Variants in NFIB observed in about 807,000 individuals in gnomAD.
The protein encoded by NFIB is nuclear factor 1 B-type.
In NFIB, 11 loss-of-function variants were observed where a neutral mutation model predicts 61.5. That is an observed-to-expected ratio of 0.18 (90% CI 0.11 to 0.30). The LOEUF (loss-of-function observed/expected upper bound fraction) is 0.30. Among genes scored for constraint, NFIB ranks in the 10% least tolerant of loss-of-function variants. NFIB has a pLI of 1.00. For synonymous variants in NFIB, 260 were observed against 216.5 expected, an observed-to-expected ratio of 1.20 and a Z score of -1.76; for missense variants, 471 against 608.9, an observed-to-expected ratio of 0.77 and a Z score of 2.38.
At chr9:14,354,653 G>T (rs1452147529) in intron 1 of NFIB, among the ~76,000 whole-genome samples, 1 of 152,192 alleles carries the variant, frequency 6.6e-6, no homozygotes, top group African/African-American at 2.4e-5. Flanking sequence ...TAATTATGTA[G>T]TCGCTGAGGG....
At chr9:14,349,094 A>G (rs563717667) in intron 1 of NFIB, among the ~76,000 whole-genome samples, 2 of 152,220 alleles carry the variant, frequency 1.3e-5, no homozygotes, top group South Asian at 4.2e-4. Context: ...GAGGGAAATC[A>G]CTCTCTGCTC....
chr9:14,307,810 C>A lies in NFIB; in HGVS notation c.31-290G>T. 1 of 253,904 alleles carries A rather than the reference C, an allele frequency of 3.9e-6. No homozygotes were observed. The allele number at this position is 253,904 out of a possible 1,614,324, so 15.7% of individuals were successfully genotyped here. ...TCTGGCCCCATCCCCCTTGTTTCCACCCCAATGCCATGCATTCTACATTCT... is the reference window on the plus strand; with the variant it reads ...TCTGGCCCCATCCCCCTTGTTTCCAACCCAATGCCATGCATTCTACATTCT... On this transcript the variant is annotated intron_variant, in intron 1 of 10. Transcript: ENST00000380953. This position sits in a 1 kb window ranked among gnomAD's most constrained non-coding sequence, Gnocchi z 5.3.
intron 2 of NFIB, among the ~76,000 whole-genome samples, chr9:14,228,074 T>C (rs572552504): frequency 1.3e-5 from 2 of 152,296 alleles, no homozygotes; most frequent in African/African-American, 2.4e-5. Context: ...TGAAGACATA[T>C]AGTAACCAGT....
intron 1 of NFIB, among the ~76,000 whole-genome samples, chr9:14,312,910 G>T (rs1349912730): frequency 6.6e-6 from 1 of 152,136 alleles, no homozygotes; most frequent in African/African-American, 2.4e-5. Context: ...GGTCACTATG[G>T]ACCAGGGTTT....
intron 2 of NFIB, among the ~76,000 whole-genome samples, chr9:14,296,935 G>C (rs2059479645): frequency 6.6e-6 from 1 of 152,204 alleles, no homozygotes; most frequent in Non-Finnish European, 1.5e-5. Flanking sequence ...TCTTTCTTAA[G>C]TAATTCCTGC....
chr9:14,328,429 G>A (rs1211961200), intron 1 of NFIB, among the ~76,000 whole-genome samples: 1 of 152,062 alleles, frequency 6.6e-6, no homozygotes, highest in Non-Finnish European at 1.5e-5. Flanking sequence ...TATTATAGGC[G>A]TGAGCCATGG....
At chr9:14,100,036 G>A (rs545667583) in intron 10 of NFIB, among the ~76,000 whole-genome samples, 1 of 152,234 alleles carries the variant, frequency 6.6e-6, no homozygotes, top group African/African-American at 2.4e-5. Context: ...TCGTGCCACT[G>A]CACTCCAGCC....
At chr9:14,516,040 G>A in the NFIB span, among the ~76,000 whole-genome samples, 3 of 152,230 alleles carry the variant, frequency 2.0e-5, no homozygotes, top group Non-Finnish European at 4.4e-5. Flanking sequence ...CCATTGGCGA[G>A]CACCTGCTCC....
At chr9:14,384,456 C>T (rs1359388536) in intron 1 of NFIB, among the ~76,000 whole-genome samples, 13 of 152,190 alleles carry the variant, frequency 8.5e-5, no homozygotes. Flanking sequence ...AACCCCTTTG[C>T]CTTCAAAGCC....
chr9:14,162,409 A>G (rs1265646235), intron 3 of NFIB, among the ~76,000 whole-genome samples: 1 of 152,104 alleles, frequency 6.6e-6, no homozygotes, highest in Non-Finnish European at 1.5e-5. Flanking sequence ...TTGGTGTTAT[A>G]TATTACTGAA....
upstream of NFIB, chr9:14,314,281 G>C (rs1588287575): frequency 2.6e-5 from 12 of 459,498 alleles, no homozygotes; most frequent in South Asian, 9.1e-4. Flanking sequence ...GTGGTCCCCG[G>C]CAGCAGCAGC....
chr9:14,413,076 G>T, the NFIB span, among the ~76,000 whole-genome samples: 2 of 152,166 alleles, frequency 1.3e-5, no homozygotes, highest in South Asian at 2.1e-4. Flanking sequence ...AGAACCCCTG[G>T]GTAGCTCTGA....
chr9:14,485,732 G>A, the NFIB span, among the ~76,000 whole-genome samples: 447 of 152,082 alleles, frequency 2.9e-3, 3 homozygotes, highest in South Asian at 0.015. Flanking sequence ...AAAGTTAGTC[G>A]GGTGTTGTGG....
chr9:14,175,167 CT>C (rs55765054), intron 3 of NFIB, among the ~76,000 whole-genome samples: 280 of 125,998 alleles, frequency 2.2e-3, no homozygotes, highest in African/African-American at 3.4e-3. Flanking sequence ...TAAAGAATTT[CT>C]TTTTTTTTTT....
chr9:14,235,790 C>A (rs74973797), intron 2 of NFIB, among the ~76,000 whole-genome samples: 1 of 152,038 alleles, frequency 6.6e-6, no homozygotes, highest in East Asian at 1.9e-4. Flanking sequence ...AAAATAGTAA[C>A]CTGGGCAGTA....
intron 2 of NFIB, among the ~76,000 whole-genome samples, chr9:14,186,891 A>C (rs1381205810): frequency 6.6e-6 from 1 of 152,102 alleles, no homozygotes; most frequent in Non-Finnish European, 1.5e-5. Context: ...GATGTGTATT[A>C]AAATAAGACA....
intron 1 of NFIB, among the ~76,000 whole-genome samples, chr9:14,355,427 AC>A (rs1411731813): frequency 1.3e-5 from 2 of 152,196 alleles, no homozygotes; most frequent in Admixed American, 1.3e-4. Flanking sequence ...TGTTTAAGCC[AC>A]CCAATCTGCA....
intron 1 of NFIB, among the ~76,000 whole-genome samples, chr9:14,397,279 T>C (rs987495711): frequency 6.6e-6 from 1 of 152,206 alleles, no homozygotes; most frequent in African/African-American, 2.4e-5. Flanking sequence ...ATGCAGTCTC[T>C]GAGAAAAACA....
At chr9:14,320,684 A>C (rs2060639186) in intron 1 of NFIB, among the ~76,000 whole-genome samples, 1 of 152,246 alleles carries the variant, frequency 6.6e-6, no homozygotes, top group South Asian at 2.1e-4. Flanking sequence ...CTCCTCAGTC[A>C]TATACACACA....
Sources: allele counts gnomAD v4.1 joint callset (sites outside exome capture counted in the v4.1 genomes callset), GRCh38; gene constraint gnomAD v4.1.1; non-coding constraint Gnocchi (gnomAD v3.1); transcripts MANE v1.5; gene names NCBI Gene and HGNC (gene_info 2026-07-23, HGNC 2026-07-21).